ENTPD5: variants seen among roughly 807,000 people sequenced by gnomAD.
ENTPD5 encodes the protein nucleoside diphosphate phosphatase ENTPD5.
A neutral mutation model predicts 60.2 loss-of-function variants in ENTPD5; 49 were observed. The ratio of observed to expected loss-of-function variants is 0.81; its 90% CI spans 0.65 to 1.03. The LOEUF is 1.03. Ranked by LOEUF, ENTPD5 falls within the 50% of genes least tolerant of loss-of-function variation. The pLI is 0.00. For missense variants in ENTPD5, 480 were observed against 507.6 expected, an observed-to-expected ratio of 0.95 and a Z score of 0.52; for synonymous variants, 187 against 185.4, an observed-to-expected ratio of 1.01 and a Z score of -0.07.
intron 6 of ENTPD5, among the ~76,000 whole-genome samples, chr14:73,978,194 G>A (rs113976148): frequency 2.6e-5 from 4 of 152,136 alleles, no homozygotes; most frequent in African/African-American, 9.7e-5. Context: ...CAGCAAGAGA[G>A]CTTCTGCTCT....
At chr14:73,956,402 T>C (rs1412916220), downstream of ENTPD5, 7 of 166,900 alleles carry the variant, frequency 4.2e-5, no homozygotes, top group East Asian at 1.1e-3. Flanking sequence ...CTGGGTCATA[T>C]AATAATTCTA....
chr14:73,957,399 C>T (rs1258892658), downstream of ENTPD5, among the ~76,000 whole-genome samples: 3 of 152,146 alleles, frequency 2.0e-5, no homozygotes, highest in Non-Finnish European at 2.9e-5. Flanking sequence ...TTATTTAAAT[C>T]GCTTTGTTGA....
At chr14:74,016,010 A>C (rs1269161098) in intron 1 of ENTPD5, 80 bp from the exon 2 acceptor site, 2 of 152,218 alleles carry the variant, frequency 1.3e-5, no homozygotes, top group African/African-American at 4.8e-5. Flanking sequence ...TTAGTGTTCT[A>C]AACAATGAAA....
In ENTPD5 at chr14:73,965,807, G is replaced by A. The variant is rs905951253; in HGVS notation, c.*1121C>T. Reference sequence around the variant, plus strand: ...TTGGATTCAAAAAGAGAGCATGAGGGACATTAAATATGGTTCTCCCTGGAA... The same window carrying A: ...TTGGATTCAAAAAGAGAGCATGAGGAACATTAAATATGGTTCTCCCTGGAA... On this transcript the variant is annotated 3_prime_UTR_variant, in exon 16 of 16. Coordinates refer to ENST00000334696, the MANE Select transcript of ENTPD5 (RefSeq NM_001249.5). 3.3e-5 allele frequency: 5 copies of A among 152,186 alleles called. No individual in the cohort carries two copies. The highest frequency in any genetic ancestry group is 1.2e-4 in the African/African-American group (5 of 41,440). 9.4% of individuals were successfully genotyped at this position (152,186 alleles called of 1,614,324 possible). A position where few individuals can be genotyped will look rare whatever the true frequency, so the allele number is the denominator to read the frequency against.
intron 6 of ENTPD5, among the ~76,000 whole-genome samples, chr14:73,979,289 T>C (rs189050003): frequency 4.9e-4 from 74 of 152,240 alleles, no homozygotes; most frequent in African/African-American, 1.6e-3. Flanking sequence ...CCCTGCTTTT[T>C]TTTTTTCCCT....
chr14:73,960,526 C>A (rs533089968), downstream of ENTPD5: 7 of 997,450 alleles, frequency 7.0e-6, no homozygotes, highest in East Asian at 6.2e-4. Context: ...AAATGGTGAA[C>A]ACTACCCTAC....
rs1321674122 is a variant in ENTPD5, at chr14:73,964,295, A to AC, written c.*2632dup. The stretch of plus-strand genomic sequence containing the variant: ...ATGTTAACACATCTACAAAGAGGAA[A>AC]CTATTAGAATCTGTAGGACCTCTTA... On this transcript the variant is annotated 3_prime_UTR_variant, in exon 16 of 16. Transcript: ENST00000334696. The AC allele has an allele frequency of 6.6e-6, 1 of 152,214 alleles. No homozygotes were observed. Among genetic ancestry groups the AC allele is most frequent in the Non-Finnish European group, 1.5e-5 (1 of 68,042 alleles). The allele number at this position is 152,214 out of a possible 1,614,324, so 9.4% of individuals were successfully genotyped here. A position where few individuals can be genotyped will look rare whatever the true frequency, so the allele number is the denominator to read the frequency against.
At chr14:73,963,105 C>A, downstream of ENTPD5, 1 of 972,036 alleles carries the variant, frequency 1.0e-6, no homozygotes, top group Non-Finnish European at 1.6e-6. Flanking sequence ...ACTTACTTTA[C>A]ATTAAAATTC....
At chr14:73,983,613 C>T (rs2057779634) in intron 5 of ENTPD5, among the ~76,000 whole-genome samples, 1 of 122,718 alleles carries the variant, frequency 8.1e-6, no homozygotes, top group Non-Finnish European at 1.6e-5. Flanking sequence ...AACAGAGTGA[C>T]ACTCCATCTC....
At chr14:73,968,802 T>C (rs1365453463) in intron 15 of ENTPD5, among the ~76,000 whole-genome samples, 1 of 152,170 alleles carries the variant, frequency 6.6e-6, no homozygotes, top group Non-Finnish European at 1.5e-5. Context: ...AACCAGTTGA[T>C]TGTTCTGTGT....
chr14:74,004,261 G>T (rs1207064120), intron 3 of ENTPD5, among the ~76,000 whole-genome samples: 1 of 152,026 alleles, frequency 6.6e-6, no homozygotes, highest in Non-Finnish European at 1.5e-5. Flanking sequence ...TCTGCCTCCT[G>T]GGTTCAAGTG....
chr14:73,956,019 T>C, downstream of ENTPD5: 1 of 1,576,476 alleles, frequency 6.3e-7, no homozygotes, highest in Non-Finnish European at 8.6e-7. Flanking sequence ...ATATTCAGTG[T>C]CCACCATAAA....
intron 1 of ENTPD5, among the ~76,000 whole-genome samples, chr14:74,018,111 G>A (rs1255471781): frequency 2.0e-5 from 3 of 151,978 alleles, no homozygotes; most frequent in South Asian, 2.1e-4. Flanking sequence ...GAACCAAGGA[G>A]GTGGAGGTTG....
At chr14:73,960,987 T>C (rs542853122), downstream of ENTPD5, 40 of 736,746 alleles carry the variant, frequency 5.4e-5, no homozygotes, top group South Asian at 6.1e-4. Context: ...GGCTAGATCT[T>C]AAAACCTCTG....
At chr14:73,969,973 G>A (rs1277384810) in intron 15 of ENTPD5, 37 bp downstream of exon 15, 1 of 1,406,002 alleles carries the variant, frequency 7.1e-7, no homozygotes, top group Non-Finnish European at 1.0e-6. Flanking sequence ...CCCCACAAAA[G>A]AGGGCTGTTA....
intron 5 of ENTPD5, among the ~76,000 whole-genome samples, chr14:73,983,451 C>G (rs1419123518): frequency 6.6e-6 from 1 of 151,758 alleles, no homozygotes; most frequent in African/African-American, 2.4e-5. Context: ...GGTGAAACCC[C>G]ATCTCCACTA....
rs531305507 is a variant in ENTPD5, at chr14:73,966,040, A to C, written c.*888T>G. 2 of 152,398 alleles carry C rather than the reference A, an allele frequency of 1.3e-5. No individual in the cohort carries two copies. Among genetic ancestry groups the C allele is most frequent in the East Asian group, 3.9e-4 (2 of 5,190 alleles). The allele number at this position is 152,398 out of a possible 1,614,324, so 9.4% of individuals were successfully genotyped here. A position where few individuals can be genotyped will look rare whatever the true frequency, so the allele number is the denominator to read the frequency against. On this transcript the variant is annotated 3_prime_UTR_variant, in exon 16 of 16. Coordinates refer to ENST00000334696, the MANE Select transcript of ENTPD5 (RefSeq NM_001249.5). Reference sequence around the variant, plus strand: ...TAATAGATCCTGGAATAGCACAGACACTGACCTCTGACCACAGACCAAAAG... The same window carrying C: ...TAATAGATCCTGGAATAGCACAGACCCTGACCTCTGACCACAGACCAAAAG...
At chr14:73,958,043 GAC>G, downstream of ENTPD5, 4 of 886,520 alleles carry the variant, frequency 4.5e-6, no homozygotes, top group Non-Finnish European at 7.7e-6. Flanking sequence ...TAAATGACAA[GAC>G]ACTGCTGTCC....
At chr14:73,970,859 G>A (rs1470947086) in intron 14 of ENTPD5, among the ~76,000 whole-genome samples, 2 of 151,404 alleles carry the variant, frequency 1.3e-5, no homozygotes, top group African/African-American at 4.9e-5. Context: ...AAGGTCTCAT[G>A]CTGTCACCCA....
Sources: gnomAD v4.1 joint callset for allele counts (sites outside exome capture counted in the v4.1 genomes callset) on GRCh38, gnomAD v4.1.1 for gene constraint, MANE v1.5 for transcripts, NCBI Gene and HGNC (gene_info 2026-07-23, HGNC 2026-07-21) for gene names.